PPP6R2: variants seen among roughly 807,000 people sequenced by gnomAD.
The protein encoded by PPP6R2 is protein phosphatase 6 regulatory subunit 2.
A neutral mutation model predicts 100.2 loss-of-function variants in PPP6R2; 62 were observed. That is an observed-to-expected ratio of 0.62 (90% CI 0.50 to 0.76). The LOEUF is 0.76. Ranked by LOEUF, PPP6R2 falls within the 30% of genes least tolerant of loss-of-function variation. The probability of loss-of-function intolerance (pLI) is 0.00; values close to 1 mark genes in which losing one functional copy is unlikely to be tolerated. For synonymous variants in PPP6R2, 525 were observed against 514.7 expected, an observed-to-expected ratio of 1.02 and a Z score of -0.27; for missense variants, 1,142 against 1,276.3, an observed-to-expected ratio of 0.89 and a Z score of 1.60.
intron 1 of PPP6R2, among the ~76,000 whole-genome samples, chr22:50,359,823 A>G (rs958018872): frequency 5.9e-5 from 9 of 152,170 alleles, no homozygotes; most frequent in African/African-American, 2.2e-4. Context: ...TTTGGTATCA[A>G]GGTAATACTG....
chr22:50,348,589 A>G (rs188285942), intron 1 of PPP6R2, among the ~76,000 whole-genome samples: 14 of 152,188 alleles, frequency 9.2e-5, no homozygotes, highest in Admixed American at 4.6e-4. Context: ...GGGTGTTACT[A>G]CAGTTTGGAA....
chr22:50,376,888 G>A (rs1194949476), intron 2 of PPP6R2, among the ~76,000 whole-genome samples: 11 of 152,156 alleles, frequency 7.2e-5, no homozygotes, highest in South Asian at 2.1e-4. Flanking sequence ...TTAGCCGGGC[G>A]CGGTGGCAGG....
intron 3 of PPP6R2, among the ~76,000 whole-genome samples, chr22:50,405,519 G>A (rs2058734802): frequency 7.2e-6 from 1 of 139,328 alleles, no homozygotes; most frequent in African/African-American, 2.8e-5. Context: ...CTGGAGAGAG[G>A]TGAGAGGCCT....
the PPP6R2 span, among the ~76,000 whole-genome samples, chr22:50,333,778 G>A: frequency 2.0e-5 from 3 of 152,178 alleles, no homozygotes; most frequent in African/African-American, 7.2e-5. Context: ...AAGACAGCTG[G>A]GCCCTGGGGA....
chr22:50,434,641 G>A (rs1230163847), intron 12 of PPP6R2, among the ~76,000 whole-genome samples: 4 of 92,376 alleles, frequency 4.3e-5, no homozygotes, highest in Non-Finnish European at 8.3e-5. Context: ...GAGGAGGGCC[G>A]GGGGCATGGA....
At chr22:50,371,121 A>C (rs1353053070) in intron 1 of PPP6R2, among the ~76,000 whole-genome samples, 1 of 152,212 alleles carries the variant, frequency 6.6e-6, no homozygotes, top group Non-Finnish European at 1.5e-5. Context: ...AATTAAACAT[A>C]ATACTCCACC....
At chr22:50,414,477 TGA>T (rs2060241446) in intron 4 of PPP6R2, 73 bp from the exon 5 acceptor site, 1 of 1,523,760 alleles carries the variant, frequency 6.6e-7, no homozygotes, top group African/African-American at 1.4e-5. Flanking sequence ...AACTTTCCCA[TGA>T]GAGTTTTTGG....
chr22:50,338,054 ATGTG>A, the PPP6R2 span, among the ~76,000 whole-genome samples: 1 of 67,564 alleles, frequency 1.5e-5, no homozygotes, highest in Admixed American at 1.6e-4. Flanking sequence ...GTGTGGTGTG[ATGTG>A]TGTGGTGTGT....
chr22:50,427,768 T>C (rs1306670425), intron 10 of PPP6R2, among the ~76,000 whole-genome samples: 2 of 152,176 alleles, frequency 1.3e-5, no homozygotes, highest in African/African-American at 4.8e-5. Flanking sequence ...TCGCCCAGGC[T>C]GGAGTGCAGT....
chr22:50,432,081 C>T (rs910794728), intron 11 of PPP6R2, among the ~76,000 whole-genome samples, 184 bp from the exon 12 acceptor site: 5 of 152,150 alleles, frequency 3.3e-5, no homozygotes, highest in African/African-American at 9.7e-5. Context: ...AGCCCCGAAC[C>T]GCACCCTCCT....
chr22:50,339,319 T>TGG (rs1491273848), upstream of PPP6R2, among the ~76,000 whole-genome samples: 251 of 68,538 alleles, frequency 3.7e-3, no homozygotes, highest in African/African-American at 0.01. Flanking sequence ...GTTGTGGGTG[T>TGG]AGTGTGTGTG....
intron 1 of PPP6R2, among the ~76,000 whole-genome samples, chr22:50,349,107 A>G (rs1384409117): frequency 6.7e-6 from 1 of 150,150 alleles, no homozygotes; most frequent in Non-Finnish European, 1.5e-5. Flanking sequence ...GGGCAGGAGA[A>G]TCGCTTGAAC....
chr22:50,421,471 G>A (rs2061327668), intron 8 of PPP6R2, among the ~76,000 whole-genome samples: 2 of 152,190 alleles, frequency 1.3e-5, no homozygotes, highest in African/African-American at 4.8e-5. Flanking sequence ...CCCCCCCAAA[G>A]TGCTGGGATT....
intron 1 of PPP6R2, among the ~76,000 whole-genome samples, chr22:50,351,050 T>G (rs868574611): frequency 1.5e-4 from 20 of 130,302 alleles, no homozygotes; most frequent in South Asian, 3.0e-4. Flanking sequence ...TTTTTTTTTT[T>G]TTTTTTTGAG....
chr22:50,412,630 CTTTTTTTTTTTTTTTT>C (rs398037412), intron 4 of PPP6R2, among the ~76,000 whole-genome samples: 10 of 79,866 alleles, frequency 1.3e-4, no homozygotes, highest in South Asian at 9.2e-4. Flanking sequence ...TAAATAAGTC[CTTTTTTTTTTTTTTTT>C]TTTTTTTTTT....
At position 50,412,440 on chromosome 22, in the gene PPP6R2, C is replaced by T. The variant is rs1475324951; in HGVS notation, c.415-2112C>T. On this transcript the variant is annotated intron_variant, in intron 4 of 23. Coordinates refer to ENST00000612753, the MANE Select transcript of PPP6R2 (RefSeq NM_001242898.2). ...CAAGTGATCCGCCTGCCTTGACCTC[C>T]CTCAAGTGCCAGGATTACAGGCATG... Among the ~76,000 whole-genome samples the T allele has an allele frequency of 3.3e-5, 5 of 152,076 alleles. No individual in the cohort carries two copies. In the East Asian group the frequency reaches 9.7e-4, roughly 30 times the overall value.
chr22:50,369,108 C>T (rs1043309919), intron 1 of PPP6R2, among the ~76,000 whole-genome samples: 5 of 151,884 alleles, frequency 3.3e-5, no homozygotes, highest in Admixed American at 1.3e-4. Context: ...TGTGGTGGTG[C>T]GTGCCTGCAA....
In PPP6R2 at chr22:50,436,997, C is replaced by A; in HGVS notation, c.1612C>A (p.His538Asn). The A allele has an allele frequency of 6.4e-7, 1 of 1,556,846 alleles. No individual in the cohort carries two copies. Among genetic ancestry groups the A allele is most frequent in the South Asian group, 1.2e-5 (1 of 84,468 alleles). The stretch of plus-strand genomic sequence containing the variant: ...CTGGCCTGTGTTTTAGGTGAGCACT[C>A]ACCACCTTCACTCCTCAAGTGAGGA... Reference protein sequence around the residue: ...RRNTVDLVSTHHLHSSSEDED... With the variant: ...RRNTVDLVSTNHLHSSSEDED... The change falls in exon 15 of 24, where the codon CAC becomes AAC. Residue 538 changes from histidine (H) to asparagine (N), a missense_variant. Physicochemically the swap from His to Asn is moderately conservative, Grantham distance 68. Coordinates refer to ENST00000612753, the MANE Select transcript of PPP6R2 (RefSeq NM_001242898.2).
intron 1 of PPP6R2, among the ~76,000 whole-genome samples, chr22:50,349,841 A>G (rs887978408): frequency 3.5e-5 from 5 of 144,884 alleles, no homozygotes; most frequent in African/African-American, 1.0e-4. Context: ...AGAAAAAAGC[A>G]GCTGGGTGTG....
Sources: allele counts gnomAD v4.1 joint callset (sites outside exome capture counted in the v4.1 genomes callset), GRCh38; gene constraint gnomAD v4.1.1; transcripts MANE v1.5; gene names NCBI Gene and HGNC (gene_info 2026-07-23, HGNC 2026-07-21).